Variants in ODAD3 observed in about 807,000 individuals in gnomAD.
The protein encoded by ODAD3 is outer dynein arm-docking complex subunit 3.
Under a neutral mutation model 70.9 loss-of-function variants are expected in ODAD3, and 57 were observed. The observed-to-expected ratio is 0.80, with a 90% CI of 0.65 to 1.00. The LOEUF is 1.00. ODAD3 is among the 50% of genes least tolerant of loss of function. The pLI, the probability that ODAD3 is intolerant of heterozygous loss-of-function variation, is 0.00. For missense variants in ODAD3, 797 were observed against 763.9 expected (o/e 1.04, Z -0.51); for synonymous variants, 327 against 315.9 (o/e 1.04, Z -0.37).
chr19:11,431,360 T>C (rs1487847547), intron 1 of ODAD3: 6 of 264,972 alleles, frequency 2.3e-5, no homozygotes, highest in Middle Eastern at 1.4e-3. Context: ...TTCCCAAAGT[T>C]CTAGGCCCCC....
At position 11,434,986 on chromosome 19, in the gene ODAD3, C is replaced by T. The variant is rs1195153368; in HGVS notation, c.31G>A (p.Ala11Thr). 6.2e-7 allele frequency: 1 copy of T among 1,612,646 alleles called. No homozygotes were observed. The highest frequency in any genetic ancestry group is 2.2e-5 in the East Asian group (1 of 44,900). The change falls in exon 1 of 13, where the codon GCC (alanine) becomes ACC (threonine). Residue 11 changes from alanine (A) to threonine (T), a missense_variant. Physicochemically the swap from Ala to Thr is moderately conservative, Grantham distance 58 (BLOSUM62 0). Coordinates refer to ENST00000356392, the MANE Select transcript of ODAD3 (RefSeq NM_145045.5). MTSPLCRAAS[A>T]NALPPQDQAS... is the part of the protein sequence containing the mutation. ...TGGTCCTGAGGAGGCAGGGCGTTGGCGGAGGCCGCCCTGCACAGAGGAGAT... is the reference window on the plus strand; with the variant it reads ...TGGTCCTGAGGAGGCAGGGCGTTGGTGGAGGCCGCCCTGCACAGAGGAGAT...
chr19:11,423,806 G>A lies in ODAD3; in HGVS notation c.1116+71C>T. 2.7e-6 allele frequency: 4 copies of A among 1,479,356 alleles called. No individual in the cohort carries two copies. In the East Asian group the frequency reaches 7.5e-5, roughly 28 times the overall value. 91.6% of individuals were successfully genotyped at this position (1,479,356 alleles called of 1,614,324 possible). A position where few individuals can be genotyped will look rare whatever the true frequency, so the allele number is the denominator to read the frequency against. ...GAGACAGGGTGTGTCGGTTTCACCG[G>A]CTTAGGCACCCCTGGGGCCCGTCTG... On this transcript the variant is annotated intron_variant, in intron 8 of 12. Transcript: ENST00000356392.
intron 8 of ODAD3, 52 bp downstream of exon 8, chr19:11,423,825 C>A: frequency 6.6e-7 from 1 of 1,517,444 alleles, no homozygotes; most frequent in Non-Finnish European, 8.8e-7. Context: ...CCCCTGGGGC[C>A]CGTCTGGGGT....
intron 12 of ODAD3, 60 bp downstream of exon 12, chr19:11,421,068 C>T: frequency 1.3e-6 from 2 of 1,590,884 alleles, no homozygotes; most frequent in Non-Finnish European, 1.7e-6. Flanking sequence ...TATCTGACAA[C>T]CTCCTGCTAC....
intron 3 of ODAD3, among the ~76,000 whole-genome samples, chr19:11,430,048 T>C (rs1969471332): frequency 6.6e-6 from 1 of 152,188 alleles, no homozygotes; most frequent in Admixed American, 6.5e-5. Context: ...TCTCCCAGGC[T>C]GGAGCACAGT....
In ODAD3 at chr19:11,424,153, G is replaced by A. The variant is rs1394644745; in HGVS notation, c.964-124C>T. ...GGCTCAAACTGGAGGGAAGGGAGAGGGCAAAAGCTTGGGGCCAGATAAAGG... is the reference window on the plus strand; with the variant it reads ...GGCTCAAACTGGAGGGAAGGGAGAGAGCAAAAGCTTGGGGCCAGATAAAGG... On this transcript the variant is annotated intron_variant, in intron 7 of 12. Coordinates refer to ENST00000356392, the MANE Select transcript of ODAD3 (RefSeq NM_145045.5). 6 of 1,263,416 alleles carry A rather than the reference G, an allele frequency of 4.7e-6. No homozygotes were observed. The Admixed American group carries it at 1.2e-4, about 26-fold the overall frequency. 78.3% of individuals were successfully genotyped at this position (1,263,416 alleles called of 1,614,324 possible). A position where few individuals can be genotyped will look rare whatever the true frequency, so the allele number is the denominator to read the frequency against.
At chr19:11,429,221 GTTTT>G (rs1176099368) in intron 3 of ODAD3, among the ~76,000 whole-genome samples, 2 of 150,634 alleles carry the variant, frequency 1.3e-5, no homozygotes, top group South Asian at 2.1e-4. Flanking sequence ...GTTTGTTTTT[GTTTT>G]TTTGAGACAG....
intron 7 of ODAD3, among the ~76,000 whole-genome samples, chr19:11,425,537 GTGTA>G (rs1194497117): frequency 1.7e-4 from 23 of 138,924 alleles, no homozygotes; most frequent in East Asian, 1.2e-3. Flanking sequence ...GTATATATGT[GTGTA>G]TGTATGTATA....
chr19:11,426,192 C>T lies in ODAD3; in HGVS notation c.915G>A (p.Lys305=), dbSNP rs761134177. 8 of 1,613,590 alleles carry T rather than the reference C, an allele frequency of 5.0e-6. No homozygotes were observed. The South Asian group carries it at 8.8e-5, about 18-fold the overall frequency. The change falls in exon 7 of 13, where the codon AAG becomes AAA. Residue 305 remains lysine (K), a synonymous_variant. Coordinates refer to ENST00000356392, the MANE Select transcript of ODAD3 (RefSeq NM_145045.5). Reference sequence around the variant, plus strand: ...CCAGTTTCTTCTCCTCGGCGCGCTTCTTGCACTCACTTATGTAGCGTTCCC... The same window carrying T: ...CCAGTTTCTTCTCCTCGGCGCGCTTTTTGCACTCACTTATGTAGCGTTCCC... ...KKRERYISEC[K]KRAEEKKLEN...
chr19:11,435,300 C>G, upstream of ODAD3: 1 of 916,994 alleles, frequency 1.1e-6, no homozygotes, highest in Non-Finnish European at 1.5e-6. Flanking sequence ...AGCCGCGCCG[C>G]AGGACGGAGG....
At chr19:11,425,651 G>GTATATA (rs373377382) in intron 7 of ODAD3, among the ~76,000 whole-genome samples, 4 of 123,482 alleles carry the variant, frequency 3.2e-5, no homozygotes, top group Admixed American at 7.7e-5. Context: ...ATGTATATAC[G>GTATATA]TATATATATA....
chr19:11,430,553 G>A, intron 3 of ODAD3, 146 bp downstream of exon 3: 1 of 783,244 alleles, frequency 1.3e-6, no homozygotes. Flanking sequence ...CCAGATACAA[G>A]GAAAGTGAGT....
At position 11,424,482 on chromosome 19, in the gene ODAD3, CA is replaced by C. The variant is rs200996345; in HGVS notation, c.964-454del. 2.0e-4 allele frequency among the ~76,000 whole-genome samples: 28 copies of C among 141,466 alleles called. 1 individual carries two copies. Among genetic ancestry groups the C allele is most frequent in the South Asian group, 8.6e-4 (4 of 4,626 alleles). The allele number at this position is 141,466 out of a possible 152,430, so 92.8% of individuals were successfully genotyped here. A position where few individuals can be genotyped will look rare whatever the true frequency, so the allele number is the denominator to read the frequency against. ...AGTCTGAGCGACAGAGACCGTGTCT[CA>C]AAAAAAAATCCATATATATATGTAT... is the stretch of plus-strand genomic sequence containing the variant. On this transcript the variant is annotated intron_variant, in intron 7 of 12. Coordinates refer to ENST00000356392, the MANE Select transcript of ODAD3 (RefSeq NM_145045.5).
At chr19:11,425,338 T>TATGTAC (rs1969307555) in intron 7 of ODAD3, among the ~76,000 whole-genome samples, 7 of 130,036 alleles carry the variant, frequency 5.4e-5, no homozygotes, top group East Asian at 4.6e-4. Context: ...CATATGTGTA[T>TATGTAC]ATATGTATAT....
rs894721355 is a variant in ODAD3 at position 11,421,128 on chromosome 19, CA to C, written c.1674del (p.Phe558LeufsTer12). ...CCTTCATCCCCCCACCCATACTGAC[CA>C]AAAAACTTGTCCTTGGAAGTGGCAA... is the stretch of plus-strand genomic sequence containing the variant. ...LPLATSKDKF[F>X]DEESEEEDNE... is the part of the protein sequence containing the mutation. On this transcript the variant is annotated frameshift_variant and splice_region_variant, in exon 12 of 13. Coordinates refer to ENST00000356392, the MANE Select transcript of ODAD3 (RefSeq NM_145045.5). LOFTEE classifies it low-confidence loss of function (END_TRUNC). The C allele has an allele frequency of 1.9e-6, 3 of 1,613,576 alleles. No individual in the cohort carries two copies. In the South Asian group the frequency reaches 3.3e-5, roughly 18 times the overall value.
chr19:11,432,398 G>T (rs181702282), intron 1 of ODAD3, among the ~76,000 whole-genome samples: 2 of 152,030 alleles, frequency 1.3e-5, no homozygotes, highest in African/African-American at 4.8e-5. Flanking sequence ...AGAGGCATGT[G>T]CCACCACATC....
At chr19:11,425,380 T>C (rs983336468) in intron 7 of ODAD3, among the ~76,000 whole-genome samples, 8 of 136,526 alleles carry the variant, frequency 5.9e-5, no homozygotes, top group African/African-American at 1.3e-4. Context: ...TATATATGTG[T>C]GTATGTACAT....
chr19:11,421,667 T>A lies in ODAD3; in HGVS notation c.1590+10A>T. On this transcript the variant is annotated intron_variant, in intron 11 of 12. Coordinates refer to ENST00000356392, the MANE Select transcript of ODAD3 (RefSeq NM_145045.5). ...GATCTCTGGAGCTCTGCCCCATGGCTGCAGGGCACCTCGCGGTTAGCGATG... is the reference window on the plus strand; with the variant it reads ...GATCTCTGGAGCTCTGCCCCATGGCAGCAGGGCACCTCGCGGTTAGCGATG... 6.2e-7 allele frequency: 1 copy of A among 1,610,268 alleles called. No individual in the cohort carries two copies.
At position 11,435,055 on chromosome 19, in the gene ODAD3, A is replaced by T. The variant is rs761305622; in HGVS notation, c.-39T>A. On this transcript the variant is annotated 5_prime_UTR_variant, in exon 1 of 13. Coordinates refer to ENST00000356392, the MANE Select transcript of ODAD3 (RefSeq NM_145045.5). ...CTGAAGGCCCCTAGGGGTTAGGGGG[A>T]TAACTAGGAGTCAGTCGCCCCTGTC... The T allele has an allele frequency of 7.7e-6, 12 of 1,565,724 alleles. No individual in the cohort carries two copies. The South Asian group carries it at 1.3e-4, about 18-fold the overall frequency.
Sources: gnomAD v4.1 joint callset for allele counts (sites outside exome capture counted in the v4.1 genomes callset) on GRCh38, gnomAD v4.1.1 for gene constraint, MANE v1.5 for transcripts, NCBI Gene and HGNC (gene_info 2026-07-23, HGNC 2026-07-21) for gene names.